The following PRELID2 variants were observed in gnomAD, a reference collection of about 807,000 sequenced individuals.
PRELID2 encodes PRELI domain-containing protein 2.
A neutral mutation model predicts 28.4 loss-of-function variants in PRELID2; 25 were observed. The ratio of observed to expected loss-of-function variants is 0.88; its 90% CI spans 0.64 to 1.23. The LOEUF is 1.23. Ranked by LOEUF, PRELID2 falls within the 50% of genes most tolerant of loss-of-function variation. The pLI is 0.00. For missense variants in PRELID2, 201 were observed against 214.4 expected (o/e 0.94, Z 0.39); for synonymous variants, 76 against 71.6 (o/e 1.06, Z -0.31).
At chr5:145,429,282 G>T in the PRELID2 span, among the ~76,000 whole-genome samples, 2 of 152,274 alleles carry the variant, frequency 1.3e-5, no homozygotes, top group East Asian at 3.9e-4. Context: ...GGAAGGTAGG[G>T]TTAACAAGAT....
intron 1 of PRELID2, among the ~76,000 whole-genome samples, chr5:145,740,090 C>G (rs1354815766): frequency 6.7e-6 from 1 of 149,810 alleles, no homozygotes; most frequent in Non-Finnish European, 1.5e-5. Context: ...TAACAAGAAA[C>G]TCACATGAAA....
At chr5:145,553,911 G>C (rs999176933) in intron 1 of PRELID2, among the ~76,000 whole-genome samples, 19 of 152,182 alleles carry the variant, frequency 1.2e-4, no homozygotes, top group African/African-American at 4.6e-4. Flanking sequence ...AGGAGAGGTG[G>C]AGAAGAAGTG....
In PRELID2 at chr5:145,760,332, C is replaced by T. The variant is rs1486062755; in HGVS notation, c.*204G>A. 3 of 151,946 alleles carry T rather than the reference C, an allele frequency of 2.0e-5. No homozygotes were observed. The highest frequency in any genetic ancestry group is 2.9e-5 in the Non-Finnish European group (2 of 67,990). The allele number at this position is 151,946 out of a possible 1,614,324, so 9.4% of individuals were successfully genotyped here. A position where few individuals can be genotyped will look rare whatever the true frequency, so the allele number is the denominator to read the frequency against. On this transcript the variant is annotated 3_prime_UTR_variant, in exon 7 of 7. Transcript: ENST00000683046. ...CAAGAAGGTCTTATCTCCCTGAGTC[C>T]CACTATTCGAAGCAGGCTCCCAGAG...
chr5:145,420,995 T>C, the PRELID2 span, among the ~76,000 whole-genome samples: 1 of 143,496 alleles, frequency 7.0e-6, no homozygotes, highest in African/African-American at 2.6e-5. Context: ...GATAATCATG[T>C]GGTTTTTGTC....
At chr5:145,375,513 T>C in the PRELID2 span, among the ~76,000 whole-genome samples, 1 of 152,094 alleles carries the variant, frequency 6.6e-6, no homozygotes, top group African/African-American at 2.4e-5. Context: ...GGAGAGGGTG[T>C]GCTTTGCTGG....
chr5:145,313,478 C>A, the PRELID2 span, among the ~76,000 whole-genome samples: 3 of 152,184 alleles, frequency 2.0e-5, no homozygotes, highest in Non-Finnish European at 2.9e-5. Context: ...AAAACCTGTT[C>A]ACCTTAGAAT....
Position 145,823,100 on chromosome 5 carries a change from A to G in PRELID2, c.110T>C (p.Val37Ala). ...PNPMDKNVIS[V>A]KIMEEKRDES... is the part of the protein sequence containing the mutation. ...ACCTCTTTTTTCCTCCATGATTTTT[A>G]CTGAGATGACATTTTTATCCATGGG... is the stretch of plus-strand genomic sequence containing the variant. Residue 37 changes from valine to alanine, a missense_variant, in exon 2 of 7, where the codon GTA becomes GCA. Coordinates refer to ENST00000683046, the MANE Select transcript of PRELID2 (RefSeq NM_205846.3). The G allele has an allele frequency of 6.5e-7, 1 of 1,535,360 alleles. No homozygotes were observed. The highest frequency in any genetic ancestry group is 9.0e-7 in the Non-Finnish European group (1 of 1,108,606).
chr5:145,247,230 C>G, the PRELID2 span, among the ~76,000 whole-genome samples: 1 of 152,136 alleles, frequency 6.6e-6, no homozygotes, highest in African/African-American at 2.4e-5. Flanking sequence ...GACCAATCAT[C>G]ACTCCTCAAT....
intron 4 of PRELID2, among the ~76,000 whole-genome samples, chr5:145,805,379 A>G (rs970362284): frequency 6.6e-6 from 1 of 152,208 alleles, no homozygotes; most frequent in Non-Finnish European, 1.5e-5. Flanking sequence ...ATGAAGTTCC[A>G]AAAGGGCTGC....
chr5:145,518,500 G>A (rs998470853), intron 1 of PRELID2, among the ~76,000 whole-genome samples: 1 of 152,148 alleles, frequency 6.6e-6, no homozygotes, highest in Non-Finnish European at 1.5e-5. Flanking sequence ...GCCCGGCCAT[G>A]AGTGCACGTT....
chr5:145,372,850 T>C, the PRELID2 span, among the ~76,000 whole-genome samples: 47 of 139,386 alleles, frequency 3.4e-4, 1 homozygote, highest in Non-Finnish European at 2.3e-4. Flanking sequence ...CATAAGGTTA[T>C]ATATTATTAT....
chr5:145,747,493 G>T (rs545051185), intron 1 of PRELID2, among the ~76,000 whole-genome samples: 9 of 152,214 alleles, frequency 5.9e-5, no homozygotes, highest in Middle Eastern at 3.4e-3. Flanking sequence ...TTGAATCCCT[G>T]AATAGACCAA....
chr5:145,742,165 A>T (rs1178916560), intron 1 of PRELID2, among the ~76,000 whole-genome samples: 1 of 115,932 alleles, frequency 8.6e-6, no homozygotes, highest in African/African-American at 3.3e-5. Flanking sequence ...TTATAAATTT[A>T]TTTATTAATT....
At chr5:145,835,121 A>G in intron 1 of PRELID2, 56 bp downstream of exon 1, 2 of 1,220,478 alleles carry the variant, frequency 1.6e-6, no homozygotes, top group Non-Finnish European at 2.3e-6. Flanking sequence ...AGGAGAGGAG[A>G]GAGGGGCAAG....
At chr5:145,593,171 C>T (rs1753255488) in intron 1 of PRELID2, among the ~76,000 whole-genome samples, 1 of 152,106 alleles carries the variant, frequency 6.6e-6, no homozygotes, top group South Asian at 2.1e-4. Flanking sequence ...TATTTTGTTT[C>T]TTAAAAAGAA....
chr5:145,354,763 T>C, the PRELID2 span, among the ~76,000 whole-genome samples: 10 of 152,190 alleles, frequency 6.6e-5, no homozygotes, highest in Non-Finnish European at 1.5e-4. Flanking sequence ...TGAATCTATA[T>C]AATTTTTAAT....
chr5:145,405,846 C>T, the PRELID2 span, among the ~76,000 whole-genome samples: 1 of 151,776 alleles, frequency 6.6e-6, no homozygotes, highest in African/African-American at 2.4e-5. Flanking sequence ...GCTGGGACTA[C>T]AGGCACCTGC....
intron 1 of PRELID2, among the ~76,000 whole-genome samples, chr5:145,682,034 A>G (rs1159627083): frequency 6.6e-6 from 1 of 152,174 alleles, no homozygotes; most frequent in African/African-American, 2.4e-5. Flanking sequence ...TTAGTTCTAG[A>G]TTATTTTTAA....
intron 1 of PRELID2, among the ~76,000 whole-genome samples, chr5:145,618,237 T>G (rs76408656): frequency 0.046 from 7,073 of 152,232 alleles, 518 homozygotes; most frequent in African/African-American, 0.16. Context: ...GTGTGATTTT[T>G]GGGGAGTGTT....
Sources: gnomAD v4.1 joint callset for allele counts (sites outside exome capture counted in the v4.1 genomes callset) on GRCh38, gnomAD v4.1.1 for gene constraint, MANE v1.5 for transcripts, NCBI Gene and HGNC (gene_info 2026-07-23, HGNC 2026-07-21) for gene names.